The following PRORP variants were observed in gnomAD, a reference collection of about 807,000 sequenced individuals.
PRORP encodes protein only RNase P catalytic subunit.
Under a neutral mutation model 59.4 loss-of-function variants are expected in PRORP, and 51 were observed. The ratio of observed to expected loss-of-function variants is 0.86; its 90% CI spans 0.69 to 1.08. The LOEUF (loss-of-function observed/expected upper bound fraction) is 1.08, where lower values mean the gene tolerates loss of function less well. Among genes scored for constraint, PRORP ranks in the 50% least tolerant of loss-of-function variants. PRORP has a pLI of 0.00. For synonymous variants in PRORP, 231 were observed against 245.6 expected (o/e 0.94, Z 0.55); for missense variants, 646 against 690.3 (o/e 0.94, Z 0.72).
At chr14:35,196,796 T>A (rs1294645063) in intron 5 of PRORP, among the ~76,000 whole-genome samples, 1 of 152,154 alleles carries the variant, frequency 6.6e-6, no homozygotes, top group Non-Finnish European at 1.5e-5. Flanking sequence ...TGCCTTGACA[T>A]GTGTTAAGAG....
At chr14:35,179,587 A>G (rs1016071077) in intron 4 of PRORP, among the ~76,000 whole-genome samples, 1 of 152,154 alleles carries the variant, frequency 6.6e-6, no homozygotes, top group Non-Finnish European at 1.5e-5. Flanking sequence ...TGTCAGCTCC[A>G]TCAGGTCATT....
intron 5 of PRORP, among the ~76,000 whole-genome samples, chr14:35,195,503 C>A (rs960328050): frequency 1.3e-5 from 2 of 152,082 alleles, no homozygotes; most frequent in Non-Finnish European, 2.9e-5. Flanking sequence ...AGTAGAAATT[C>A]TCCACTGACC....
At chr14:35,150,851 G>A (rs554579957) in intron 4 of PRORP, among the ~76,000 whole-genome samples, 2 of 152,290 alleles carry the variant, frequency 1.3e-5, no homozygotes, top group African/African-American at 4.8e-5. Context: ...GTGGAGTAGT[G>A]TGCTAGAGAC....
chr14:35,210,644 T>A (rs1489414511), intron 5 of PRORP, among the ~76,000 whole-genome samples: 1 of 150,376 alleles, frequency 6.6e-6, no homozygotes, highest in Non-Finnish European at 1.5e-5. Flanking sequence ...AATACCTAAG[T>A]CACCAAATTT....
At chr14:35,239,197 A>G (rs771980324) in intron 5 of PRORP, among the ~76,000 whole-genome samples, 5 of 152,030 alleles carry the variant, frequency 3.3e-5, no homozygotes, top group Non-Finnish European at 7.4e-5. Flanking sequence ...CTCTACTAAA[A>G]ATACAAAAAA....
intron 5 of PRORP, among the ~76,000 whole-genome samples, chr14:35,211,345 AAC>A (rs1286535858): frequency 6.6e-6 from 1 of 152,146 alleles, no homozygotes; most frequent in Non-Finnish European, 1.5e-5. Context: ...GTTCTGTGAG[AAC>A]AGAGACTTGG....
rs371431336 is a variant in PRORP at position 35,266,738 on chromosome 14, C to T, written c.1287C>T (p.Val429=). ...TTTGTGTTTTTTAGCTCTTGAATGT[C>T]GTCTCTCAACTAGCCAAACGGAATC... ...KVRESQLLLN[V]VSQLAKRNLR... The change falls in exon 6 of 8, where the codon GTC becomes GTT. Residue 429 remains valine (V), a synonymous_variant. Coordinates refer to ENST00000534898, the MANE Select transcript of PRORP (RefSeq NM_014672.4). The T allele has an allele frequency of 3.0e-5, 48 of 1,613,472 alleles. No individual in the cohort carries two copies. In the Admixed American group the frequency reaches 6.3e-4, roughly 21 times the overall value.
intron 5 of PRORP, among the ~76,000 whole-genome samples, chr14:35,227,924 C>T (rs1228137391): frequency 6.6e-6 from 1 of 151,140 alleles, no homozygotes; most frequent in Non-Finnish European, 1.5e-5. Flanking sequence ...GTCGGTGGAT[C>T]ACAAGGTCAG....
intron 6 of PRORP, among the ~76,000 whole-genome samples, chr14:35,268,771 T>C (rs975738451): frequency 6.6e-6 from 1 of 152,114 alleles, no homozygotes; most frequent in African/African-American, 2.4e-5. Context: ...AATTTTTGTA[T>C]TTTTAGTGGA....
At chr14:35,124,912 G>A (rs1484715594) in intron 2 of PRORP, among the ~76,000 whole-genome samples, 1 of 148,860 alleles carries the variant, frequency 6.7e-6, no homozygotes, top group Non-Finnish European at 1.5e-5. Context: ...CTTGTTGCCA[G>A]GCTAGAGTGC....
intron 5 of PRORP, among the ~76,000 whole-genome samples, chr14:35,227,183 C>G (rs142367363): frequency 1.0e-3 from 157 of 151,920 alleles, no homozygotes; most frequent in Non-Finnish European, 2.0e-3. Flanking sequence ...GTGGCTCATG[C>G]CTGTAATCCC....
At chr14:35,213,139 A>G (rs2049493105) in intron 5 of PRORP, among the ~76,000 whole-genome samples, 2 of 152,154 alleles carry the variant, frequency 1.3e-5, no homozygotes, top group Admixed American at 6.5e-5. Context: ...CTTGCTCTGG[A>G]TTACGTTTTG....
intron 5 of PRORP, among the ~76,000 whole-genome samples, chr14:35,253,403 GGAAA>G (rs2050667751): frequency 1.5e-5 from 2 of 133,518 alleles, no homozygotes; most frequent in African/African-American, 3.4e-5. Context: ...AAAGAAAGAA[GGAAA>G]GAAAGAAAAA....
At chr14:35,249,296 G>A (rs1448392046) in intron 5 of PRORP, among the ~76,000 whole-genome samples, 2 of 152,030 alleles carry the variant, frequency 1.3e-5, no homozygotes, top group East Asian at 3.9e-4. Flanking sequence ...AAAAAGTGAA[G>A]ATGGGCTGGG....
chr14:35,224,451 C>T (rs2049880657), intron 5 of PRORP, among the ~76,000 whole-genome samples: 1 of 152,114 alleles, frequency 6.6e-6, no homozygotes, highest in Non-Finnish European at 1.5e-5. Flanking sequence ...TACCAGTTCC[C>T]ATTTTACTAA....
Position 35,123,313 on chromosome 14 carries a change from G to A in PRORP, c.68G>A (p.Gly23Asp), listed in dbSNP as rs1352175464. 6.8e-6 allele frequency: 11 copies of A among 1,613,854 alleles called. No individual in the cohort carries two copies. The highest frequency in any genetic ancestry group is 2.7e-5 in the African/African-American group (2 of 75,046). The change falls in exon 2 of 8, where the codon GGC (glycine) becomes GAC (aspartate). Residue 23 changes from glycine to aspartate, a missense_variant. Physicochemically the swap from Gly to Asp is moderately conservative, Grantham distance 94 (BLOSUM62 -1). Coordinates refer to ENST00000534898, the MANE Select transcript of PRORP (RefSeq NM_014672.4). The part of the protein sequence containing the change: ...KLWKSPYLGL[G>D]PGHSYVSLFL... ...TGGAAGAGCCCATACCTTGGGCTAG[G>A]CCCAGGGCACTCTTATGTCTCGCTG... is the stretch of plus-strand genomic sequence containing the variant.
At chr14:35,214,374 C>CAAAT (rs947186684) in intron 5 of PRORP, among the ~76,000 whole-genome samples, 2 of 152,162 alleles carry the variant, frequency 1.3e-5, no homozygotes, top group African/African-American at 4.8e-5. Flanking sequence ...AAGCCCCAAA[C>CAAAT]AAATATTGAG....
Position 35,180,682 on chromosome 14 carries a change from T to C in PRORP, c.1180T>C (p.Phe394Leu), listed in dbSNP as rs1300458739. ...ATTTCTTTATTAGGAACTTAAGAGA[T>C]TTGAGAACTTCATAAAATCTCGTCC... ...RKTTPQELKRFENFIKSRPPF... is the reference protein window; with the variant it reads ...RKTTPQELKRLENFIKSRPPF... Residue 394 changes from phenylalanine to leucine, a missense_variant, in exon 5 of 8, where the codon TTT becomes CTT. Physicochemically the swap from Phe to Leu is conservative, Grantham distance 22. Transcript: ENST00000534898. 3 of 1,606,872 alleles carry C rather than the reference T, an allele frequency of 1.9e-6. No individual in the cohort carries two copies. The highest frequency in any genetic ancestry group is 2.6e-6 in the Non-Finnish European group (3 of 1,173,878).
intron 5 of PRORP, chr14:35,235,035 C>T (rs903967410): frequency 1.3e-4 from 48 of 372,998 alleles, no homozygotes; most frequent in Non-Finnish European, 5.2e-5. Context: ...ACTTAAGATA[C>T]ATCTTCACTG....
Sources: gnomAD v4.1 joint callset for allele counts (sites outside exome capture counted in the v4.1 genomes callset) on GRCh38, gnomAD v4.1.1 for gene constraint, MANE v1.5 for transcripts, NCBI Gene and HGNC (gene_info 2026-07-23, HGNC 2026-07-21) for gene names.